The following GLIS3 variants were observed in gnomAD, a reference collection of about 807,000 sequenced individuals.
GLIS3 encodes the protein GLIS family zinc finger 3, also known as zinc finger protein GLIS3.
GLIS3 carries 53 observed loss-of-function variants against 78.6 expected under a neutral mutation model. The ratio of observed to expected loss-of-function variants is 0.67; its 90% confidence interval spans 0.54 to 0.85. The LOEUF (loss-of-function observed/expected upper bound fraction) is 0.85, where lower values mean the gene tolerates loss of function less well. GLIS3 is among the 40% of genes least tolerant of loss of function. GLIS3 has a pLI of 0.00. For synonymous variants in GLIS3, 684 were observed against 509.9 expected (o/e 1.34, Z -4.60); for missense variants, 1,703 against 1,231.1 (o/e 1.38, Z -5.74).
At chr9:3,914,310 TAA>T (rs1443456303) in intron 6 of GLIS3, among the ~76,000 whole-genome samples, 2 of 144,622 alleles carry the variant, frequency 1.4e-5, no homozygotes, top group East Asian at 4.1e-4. Context: ...CAAATCTGGC[TAA>T]GTTTTTTCAG....
intron 7 of GLIS3, among the ~76,000 whole-genome samples, chr9:3,895,805 C>A (rs1404450783): frequency 6.6e-6 from 1 of 152,210 alleles, no homozygotes; most frequent in African/African-American, 2.4e-5. Context: ...CTTCACACCA[C>A]AAGTCCTCAA....
chr9:4,370,871 G>A, the GLIS3 span, among the ~76,000 whole-genome samples: 4 of 151,988 alleles, frequency 2.6e-5, no homozygotes, highest in African/African-American at 9.7e-5. Context: ...TGAATATATA[G>A]GAACCACAAA....
At chr9:3,942,206 G>C (rs1035424610) in intron 4 of GLIS3, among the ~76,000 whole-genome samples, 7 of 152,176 alleles carry the variant, frequency 4.6e-5, no homozygotes, top group Admixed American at 1.3e-4. Context: ...ACAGAAAGGA[G>C]TCTATGATGC....
At chr9:4,155,707 A>C (rs1284572265) in intron 2 of GLIS3, among the ~76,000 whole-genome samples, 1 of 152,170 alleles carries the variant, frequency 6.6e-6, no homozygotes, top group Non-Finnish European at 1.5e-5. Flanking sequence ...CCAGGCCCAC[A>C]GTTCTCCACT....
the GLIS3 span, among the ~76,000 whole-genome samples, chr9:4,488,148 T>C: frequency 6.6e-6 from 1 of 152,028 alleles, no homozygotes; most frequent in Non-Finnish European, 1.5e-5. Flanking sequence ...GAGACAGTGG[T>C]CTAATTATGT....
intron 9 of GLIS3, among the ~76,000 whole-genome samples, chr9:3,832,313 G>C (rs1818096477): frequency 6.6e-6 from 1 of 151,544 alleles, no homozygotes; most frequent in African/African-American, 2.4e-5. Context: ...GTTTATTGAG[G>C]AAAATAAAAT....
chr9:4,259,435 C>T (rs1825300852), intron 2 of GLIS3, among the ~76,000 whole-genome samples: 1 of 152,012 alleles, frequency 6.6e-6, no homozygotes, highest in Non-Finnish European at 1.5e-5. Flanking sequence ...CTCCTCATTT[C>T]ATAGGGAAGA....
chr9:4,179,627 A>C (rs1022847931), intron 2 of GLIS3, among the ~76,000 whole-genome samples: 2 of 152,228 alleles, frequency 1.3e-5, no homozygotes, highest in East Asian at 3.8e-4. Flanking sequence ...GTTAATTTCT[A>C]GGCCAGGCAC....
intron 6 of GLIS3, among the ~76,000 whole-genome samples, chr9:3,929,381 G>A (rs892293736): frequency 6.6e-6 from 1 of 151,992 alleles, no homozygotes; most frequent in African/African-American, 2.4e-5. Flanking sequence ...CTTGAATAAT[G>A]TTTAGCTGGG....
At chr9:4,467,005 G>C in the GLIS3 span, among the ~76,000 whole-genome samples, 1 of 152,246 alleles carries the variant, frequency 6.6e-6, no homozygotes, top group Non-Finnish European at 1.5e-5. Context: ...GGCTCGGCGG[G>C]TCCCATGCCC....
At chr9:4,490,405 C>T in the GLIS3 span, 1 of 232,800 alleles carries the variant, frequency 4.3e-6, no homozygotes. Flanking sequence ...CCTCCTTCCT[C>T]GCTGGTTGGC....
intron 7 of GLIS3, among the ~76,000 whole-genome samples, chr9:3,888,384 A>C (rs1025422976): frequency 6.6e-6 from 1 of 152,156 alleles, no homozygotes; most frequent in African/African-American, 2.4e-5. Context: ...CTTTCACGTG[A>C]CTTCTAAAAT....
chr9:3,921,730 A>G (rs1026783420), intron 6 of GLIS3, among the ~76,000 whole-genome samples: 7 of 152,206 alleles, frequency 4.6e-5, no homozygotes, highest in Non-Finnish European at 8.8e-5. Context: ...AATATTTATG[A>G]CAATTAACTA....
At chr9:4,260,321 C>A (rs140840872) in intron 2 of GLIS3, among the ~76,000 whole-genome samples, 3 of 152,244 alleles carry the variant, frequency 2.0e-5, no homozygotes, top group Admixed American at 1.3e-4. Flanking sequence ...AATCCCAGCA[C>A]TTTGGGAGGC....
intron 4 of GLIS3, among the ~76,000 whole-genome samples, chr9:4,069,322 TA>T (rs1195702181): frequency 4.6e-5 from 7 of 152,342 alleles, no homozygotes; most frequent in African/African-American, 1.7e-4. Flanking sequence ...GCCTGGCTGG[TA>T]GCTGAGCTAT....
At chr9:4,137,346 C>G (rs2130966498) in intron 2 of GLIS3, among the ~76,000 whole-genome samples, 1 of 152,302 alleles carries the variant, frequency 6.6e-6, no homozygotes, top group Admixed American at 6.5e-5. Flanking sequence ...CCATGTTTAT[C>G]CCACAAAGAA....
intron 2 of GLIS3, among the ~76,000 whole-genome samples, chr9:4,196,751 A>C (rs1818891871): frequency 6.6e-6 from 1 of 152,228 alleles, no homozygotes; most frequent in Non-Finnish European, 1.5e-5. Context: ...GAGGGTCCGC[A>C]GCTTCATTCT....
chr9:4,199,114 T>G (rs907126137), intron 2 of GLIS3, among the ~76,000 whole-genome samples: 1 of 152,148 alleles, frequency 6.6e-6, no homozygotes, highest in Non-Finnish European at 1.5e-5. Flanking sequence ...AAAACACACT[T>G]AAGCAGATAG....
chr9:3,958,343 GT>G (rs987170706), intron 4 of GLIS3, among the ~76,000 whole-genome samples: 1 of 152,046 alleles, frequency 6.6e-6, no homozygotes, highest in African/African-American at 2.4e-5. Flanking sequence ...TTACATAAAA[GT>G]TTCCTACATC....
Sources: gnomAD v4.1 joint callset for allele counts (sites outside exome capture counted in the v4.1 genomes callset) on GRCh38, gnomAD v4.1.1 for gene constraint, MANE v1.5 for transcripts, NCBI Gene and HGNC (gene_info 2026-07-23, HGNC 2026-07-21) for gene names.